Variants in AP3B1 observed in about 807,000 individuals in gnomAD.
AP3B1 encodes the protein AP-3 complex subunit beta-1.
In AP3B1, 61 loss-of-function variants were observed where a neutral mutation model predicts 132.5. The ratio of observed to expected loss-of-function variants is 0.46; its 90% CI spans 0.37 to 0.57. The LOEUF is 0.57. Among genes scored for constraint, AP3B1 ranks in the 20% least tolerant of loss-of-function variants. The pLI is 0.00. For synonymous variants in AP3B1, 388 were observed against 438.3 expected (o/e 0.89, Z 1.43); for missense variants, 1,120 against 1,289.4 (o/e 0.87, Z 2.01).
chr5:78,131,709 T>C (rs147465290), intron 15 of AP3B1, among the ~76,000 whole-genome samples: 61 of 152,262 alleles, frequency 4.0e-4, no homozygotes, highest in Middle Eastern at 3.4e-3. Flanking sequence ...GGTGAGATAG[T>C]GCAAATGACA....
At chr5:78,041,074 A>T (rs1748063044) in intron 22 of AP3B1, among the ~76,000 whole-genome samples, 1 of 152,140 alleles carries the variant, frequency 6.6e-6, no homozygotes, top group African/African-American at 2.4e-5. Context: ...CCGGAGTCTG[A>T]GACCAGCCTG....
chr5:78,185,785 A>G (rs182133638), intron 7 of AP3B1, among the ~76,000 whole-genome samples: 2 of 152,250 alleles, frequency 1.3e-5, no homozygotes, highest in Admixed American at 1.3e-4. Context: ...TGGGAGGATC[A>G]CTGGAGCCCA....
At chr5:78,147,053 TCTTA>T (rs1198673943) in intron 14 of AP3B1, among the ~76,000 whole-genome samples, 1 of 152,014 alleles carries the variant, frequency 6.6e-6, no homozygotes, top group Admixed American at 6.5e-5. Flanking sequence ...TACTTAATTT[TCTTA>T]CTTATATCTG....
intron 22 of AP3B1, among the ~76,000 whole-genome samples, chr5:78,086,689 C>T (rs1051854947): frequency 2.6e-5 from 4 of 152,130 alleles, no homozygotes; most frequent in South Asian, 2.1e-4. Context: ...CAGATCCTGA[C>T]GATACAGACT....
rs1215664250 is a variant in AP3B1 at position 78,227,540 on chromosome 5, T to G, written c.376-8A>C. 6.2e-7 allele frequency: 1 copy of G among 1,613,454 alleles called. No individual in the cohort carries two copies. Among genetic ancestry groups the G allele is most frequent in the East Asian group, 2.2e-5 (1 of 44,782 alleles). On this transcript the variant is annotated splice_polypyrimidine_tract_variant and splice_region_variant and intron_variant, in intron 4 of 26. Transcript: ENST00000255194. ...AATTAGTTGGTTTGGGTCCTAAAAATAGTGCAAAAATATTCACCAAAATTT... is the reference window on the plus strand; with the variant it reads ...AATTAGTTGGTTTGGGTCCTAAAAAGAGTGCAAAAATATTCACCAAAATTT...
intron 22 of AP3B1, among the ~76,000 whole-genome samples, chr5:78,060,552 T>C (rs892317848): frequency 1.3e-5 from 2 of 152,218 alleles, no homozygotes; most frequent in Non-Finnish European, 2.9e-5. Context: ...AGTAATTCCT[T>C]CTGTCATGAT....
At chr5:78,184,132 G>A (rs1300221421) in intron 7 of AP3B1, among the ~76,000 whole-genome samples, 1 of 151,314 alleles carries the variant, frequency 6.6e-6, no homozygotes, top group East Asian at 1.9e-4. Flanking sequence ...TTGCGCCACT[G>A]CACTCCAGCC....
intron 15 of AP3B1, among the ~76,000 whole-genome samples, chr5:78,129,681 T>C (rs1752611721): frequency 6.6e-6 from 1 of 152,102 alleles, no homozygotes; most frequent in Non-Finnish European, 1.5e-5. Flanking sequence ...CGGAAAAATA[T>C]GCAGGACATC....
chr5:78,224,347 A>G (rs1318764099), intron 6 of AP3B1, among the ~76,000 whole-genome samples: 1 of 152,046 alleles, frequency 6.6e-6, no homozygotes, highest in African/African-American at 2.4e-5. Flanking sequence ...ATAAGACAAT[A>G]TTTTCAAAAA....
intron 1 of AP3B1, among the ~76,000 whole-genome samples, chr5:78,284,281 T>A (rs180831860): frequency 6.6e-6 from 1 of 152,320 alleles, no homozygotes; most frequent in Non-Finnish European, 1.5e-5. Context: ...TCTGTCTGCC[T>A]GGTATACACA....
At chr5:78,047,942 G>C (rs769540784) in intron 22 of AP3B1, among the ~76,000 whole-genome samples, 2 of 152,172 alleles carry the variant, frequency 1.3e-5, no homozygotes, top group Non-Finnish European at 2.9e-5. Context: ...ACAATTCCCA[G>C]AGCCGCTTAT....
chr5:78,243,688 A>G lies in AP3B1; in HGVS notation c.205-2752T>C, dbSNP rs530718256. Among the ~76,000 whole-genome samples, 19 of 152,306 alleles carry G rather than the reference A, an allele frequency of 1.2e-4. No individual in the cohort carries two copies. The East Asian group carries it at 3.7e-3, about 29-fold the overall frequency. ...AGAAAAGGCCTTCCTTTTGGCAGGG[A>G]TGCAAAGGAAGAGAGGAAGGGACCC... On this transcript the variant is annotated intron_variant, in intron 2 of 26. Transcript: ENST00000255194.
chr5:78,155,057 A>AGGGCTT (rs1743091340), intron 14 of AP3B1, among the ~76,000 whole-genome samples: 1 of 152,144 alleles, frequency 6.6e-6, no homozygotes, highest in Non-Finnish European at 1.5e-5. Context: ...TATTTATTGT[A>AGGGCTT]GTCTTCACAG....
chr5:78,215,192 G>A (rs1051844111), intron 7 of AP3B1, among the ~76,000 whole-genome samples: 38 of 151,634 alleles, frequency 2.5e-4, no homozygotes, highest in Admixed American at 2.2e-3. Flanking sequence ...TGATATAACA[G>A]GAGCTTTTTA....
intron 5 of AP3B1, among the ~76,000 whole-genome samples, 176 bp downstream of exon 5, chr5:78,227,196 G>A (rs538637750): frequency 1.2e-4 from 19 of 152,146 alleles, no homozygotes; most frequent in Non-Finnish European, 2.5e-4. Context: ...TAGCCAAAAC[G>A]AAATTAAAGA....
At chr5:78,192,679 T>C (rs1232316967) in intron 7 of AP3B1, among the ~76,000 whole-genome samples, 1 of 152,040 alleles carries the variant, frequency 6.6e-6, no homozygotes, top group Non-Finnish European at 1.5e-5. Flanking sequence ...TAATCCCCAG[T>C]GTGATGGTAT....
intron 1 of AP3B1, among the ~76,000 whole-genome samples, chr5:78,283,374 G>C (rs554922729): frequency 6.6e-6 from 1 of 152,018 alleles, no homozygotes; most frequent in South Asian, 2.1e-4. Flanking sequence ...ATTAAGTTTC[G>C]CCCTTTCCTT....
intron 2 of AP3B1, among the ~76,000 whole-genome samples, chr5:78,242,424 TA>T (rs1235688176): frequency 6.7e-6 from 1 of 149,404 alleles, no homozygotes; most frequent in East Asian, 2.0e-4. Context: ...TTTTTTTTTT[TA>T]AGACAGTATC....
intron 14 of AP3B1, among the ~76,000 whole-genome samples, chr5:78,152,082 CTTCCTTTCCCTTCCCTCTCCT>C (rs1450132963): frequency 3.2e-5 from 4 of 124,932 alleles, no homozygotes; most frequent in Non-Finnish European, 5.0e-5. Flanking sequence ...TTCCCTCTCC[CTTCCTTTCCCTTCCCTCTCCT>C]TTCCCTTCCC....
Sources: gnomAD v4.1 joint callset for allele counts (sites outside exome capture counted in the v4.1 genomes callset) on GRCh38, gnomAD v4.1.1 for gene constraint, MANE v1.5 for transcripts, NCBI Gene and HGNC (gene_info 2026-07-23, HGNC 2026-07-21) for gene names.